JAKMIP3: variants seen among roughly 807,000 people sequenced by gnomAD.
JAKMIP3 encodes janus kinase and microtubule-interacting protein 3.
In JAKMIP3, 58 loss-of-function variants were observed where a neutral mutation model predicts 118.5. The observed-to-expected ratio is 0.49, with a 90% CI of 0.40 to 0.61. JAKMIP3 has a LOEUF of 0.61. Ranked by LOEUF, JAKMIP3 falls within the 20% of genes least tolerant of loss-of-function variation. The pLI, the probability that JAKMIP3 is intolerant of heterozygous loss-of-function variation, is 0.00. For synonymous variants in JAKMIP3, 486 were observed against 451.2 expected (o/e 1.08, Z -0.98); for missense variants, 950 against 1,109.0 (o/e 0.86, Z 2.04).
chr10:132,117,693 C>T lies in JAKMIP3; in HGVS notation c.633+119C>T, dbSNP rs545156525. 18 of 1,150,828 alleles carry T rather than the reference C, an allele frequency of 1.6e-5. No individual in the cohort carries two copies. In the Admixed American group the frequency reaches 4.6e-4, roughly 29 times the overall value. The allele number at this position is 1,150,828 out of a possible 1,614,324, so 71.3% of individuals were successfully genotyped here. A position where few individuals can be genotyped will look rare whatever the true frequency, so the allele number is the denominator to read the frequency against. On this transcript the variant is annotated intron_variant, in intron 3 of 23. Coordinates refer to ENST00000684848, the MANE Select transcript of JAKMIP3 (RefSeq NM_001323087.2). The surrounding 1 kb of genome is among the most constrained non-coding windows in gnomAD (Gnocchi z 8.6). ...GGCTCGGGGAGCACGCGGGCAGCACCGGCTTCACCCCCCATGACATTCTTA... is the reference window on the plus strand; with the variant it reads ...GGCTCGGGGAGCACGCGGGCAGCACTGGCTTCACCCCCCATGACATTCTTA...
intron 21 of JAKMIP3, among the ~76,000 whole-genome samples, chr10:132,166,768 T>G (rs2058951114): frequency 6.6e-6 from 1 of 151,760 alleles, no homozygotes; most frequent in African/African-American, 2.4e-5. Context: ...CGGTGCAGAG[T>G]CCCCAGTGCG....
intron 1 of JAKMIP3, among the ~76,000 whole-genome samples, chr10:132,073,008 CTTTCTG>C (rs1010648556): frequency 1.3e-5 from 2 of 152,122 alleles, no homozygotes; most frequent in African/African-American, 4.8e-5. Flanking sequence ...ATTTATTTGA[CTTTCTG>C]TTTCTGAGTT....
intron 1 of JAKMIP3, among the ~76,000 whole-genome samples, chr10:132,103,327 G>A (rs1427063415): frequency 6.6e-6 from 1 of 150,528 alleles, no homozygotes; most frequent in Non-Finnish European, 1.5e-5. Context: ...TCTGACATAG[G>A]AGCTGGGGTA....
intron 1 of JAKMIP3, among the ~76,000 whole-genome samples, chr10:132,073,393 G>A (rs985375307): frequency 6.6e-6 from 1 of 152,016 alleles, no homozygotes; most frequent in African/African-American, 2.4e-5. Flanking sequence ...CACCATGTTA[G>A]CCAGGATGGT....
intron 14 of JAKMIP3, 141 bp from the exon 15 acceptor site, chr10:132,149,271 C>T: frequency 3.3e-6 from 2 of 605,512 alleles, no homozygotes; most frequent in East Asian, 2.9e-5. Context: ...ACCACTGCTG[C>T]CGCTGCGGTT....
chr10:132,145,241 T>C (rs927557361), intron 12 of JAKMIP3, 51 bp downstream of exon 12: 33 of 1,413,894 alleles, frequency 2.3e-5, no homozygotes, highest in Non-Finnish European at 3.0e-5. Flanking sequence ...GGGTGGGAGG[T>C]ATTTGGCTGT....
chr10:132,121,631 G>C (rs1054088805), intron 3 of JAKMIP3, among the ~76,000 whole-genome samples: 20 of 152,214 alleles, frequency 1.3e-4, no homozygotes, highest in African/African-American at 4.8e-4. Flanking sequence ...CCCCAGGTGT[G>C]GGCACATTGC....
chr10:132,153,144 T>A (rs892639728), intron 17 of JAKMIP3, 121 bp downstream of exon 17: 7 of 742,414 alleles, frequency 9.4e-6, no homozygotes, highest in African/African-American at 1.7e-5. Context: ...GGGGGTCCAC[T>A]AAGCCCCGTC....
chr10:132,092,843 T>C (rs975221548), intron 1 of JAKMIP3, among the ~76,000 whole-genome samples: 3 of 152,236 alleles, frequency 2.0e-5, no homozygotes, highest in Admixed American at 6.5e-5. Context: ...GGAGAGGCGC[T>C]CTGATTTTTA....
At chr10:132,131,579 G>A (rs2135663946) in intron 3 of JAKMIP3, among the ~76,000 whole-genome samples, 2 of 152,150 alleles carry the variant, frequency 1.3e-5, no homozygotes, top group Middle Eastern at 6.8e-3. Context: ...ACTCTTGTTT[G>A]TGGAGCTGAC....
intron 2 of JAKMIP3, among the ~76,000 whole-genome samples, chr10:132,113,128 G>T (rs116744616): frequency 0.011 from 1,731 of 152,288 alleles, 39 homozygotes; most frequent in African/African-American, 0.039. Context: ...CTGCTTTAGG[G>T]GATTCAATTT....
At chr10:132,139,076 ATG>A (rs1292750829) in intron 9 of JAKMIP3, among the ~76,000 whole-genome samples, 30 of 119,036 alleles carry the variant, frequency 2.5e-4, no homozygotes, top group Non-Finnish European at 3.0e-4. Context: ...GTGTATGTGT[ATG>A]TGTGTGTGAG....
intron 23 of JAKMIP3, among the ~76,000 whole-genome samples, chr10:132,180,622 T>TGCGC (rs1272267258): frequency 9.3e-5 from 4 of 43,036 alleles, no homozygotes; most frequent in Admixed American, 2.5e-4. Flanking sequence ...TGTGCGTGTG[T>TGCGC]GTGCGTGTGT....
chr10:132,148,132 C>CA, intron 14 of JAKMIP3, 82 bp downstream of exon 14: 1 of 598,710 alleles, frequency 1.7e-6, no homozygotes, highest in South Asian at 2.0e-5. Context: ...ACACAAAGCC[C>CA]TGAACATGAA....
At chr10:132,068,243 G>T (rs1564861931) in intron 1 of JAKMIP3, among the ~76,000 whole-genome samples, 1 of 152,142 alleles carries the variant, frequency 6.6e-6, no homozygotes, top group Admixed American at 6.5e-5. Flanking sequence ...GTGGACTGTG[G>T]GCTTCTGTAA....
chr10:132,108,969 A>C (rs61864377), intron 2 of JAKMIP3, among the ~76,000 whole-genome samples: 1 of 96,554 alleles, frequency 1.0e-5, no homozygotes, highest in East Asian at 3.8e-4. Flanking sequence ...TGTATATATA[A>C]ATTATATACG....
chr10:132,047,917 C>A (rs1359983628), intron 1 of JAKMIP3, among the ~76,000 whole-genome samples: 1 of 151,908 alleles, frequency 6.6e-6, no homozygotes, highest in Non-Finnish European at 1.5e-5. Flanking sequence ...AGCTGGGGTG[C>A]GCGGAGCTGT....
intron 1 of JAKMIP3, among the ~76,000 whole-genome samples, chr10:132,083,972 C>A (rs1267525889): frequency 6.6e-6 from 1 of 152,150 alleles, no homozygotes; most frequent in Non-Finnish European, 1.5e-5. Context: ...TAATGTGATT[C>A]TTCCAGATTT....
chr10:132,163,214 C>T lies in JAKMIP3; in HGVS notation c.2226C>T (p.Ile742=), dbSNP rs1055394157. The part of the protein sequence containing the change: ...KQALDQANKH[I]LELEAMLYDA... ...CGTCTCCCCTTCCGCCCCAGCACATCCTGGAGCTGGAAGCCATGCTGTATG... is the reference window on the plus strand; with the variant it reads ...CGTCTCCCCTTCCGCCCCAGCACATTCTGGAGCTGGAAGCCATGCTGTATG... The change falls in exon 20 of 24, where the codon ATC becomes ATT. Residue 742 remains isoleucine, a synonymous_variant. Transcript: ENST00000684848. The T allele has an allele frequency of 6.4e-7, 1 of 1,558,046 alleles. No homozygotes were observed.
Sources: gnomAD v4.1 joint callset for allele counts (sites outside exome capture counted in the v4.1 genomes callset) on GRCh38, gnomAD v4.1.1 for gene constraint, Gnocchi (gnomAD v3.1) non-coding constraint, MANE v1.5 for transcripts, NCBI Gene and HGNC (gene_info 2026-07-23, HGNC 2026-07-21) for gene names.